The following THSD4 variants were observed in gnomAD, a reference collection of about 807,000 sequenced individuals.
THSD4 encodes the protein thrombospondin type 1 domain containing 4, also known as thrombospondin type-1 domain-containing protein 4.
Under a neutral mutation model 119.0 loss-of-function variants are expected in THSD4, and 69 were observed. The ratio of observed to expected loss-of-function variants is 0.58; its 90% CI spans 0.48 to 0.71. The LOEUF is 0.71. THSD4 is among the 30% of genes least tolerant of loss of function. THSD4 has a pLI of 0.00. For missense variants in THSD4, 1,393 were observed against 1,391.1 expected, an observed-to-expected ratio of 1.00 and a Z score of -0.02; for synonymous variants, 524 against 540.4, an observed-to-expected ratio of 0.97 and a Z score of 0.42.
At chr15:71,453,273 A>G (rs1223844570) in intron 7 of THSD4, among the ~76,000 whole-genome samples, 1 of 152,156 alleles carries the variant, frequency 6.6e-6, no homozygotes. Context: ...CCTCTTCTCT[A>G]CAATGTAGCT....
intron 7 of THSD4, among the ~76,000 whole-genome samples, chr15:71,467,143 C>CT (rs2047512093): frequency 6.6e-6 from 1 of 152,206 alleles, no homozygotes; most frequent in Non-Finnish European, 1.5e-5. Context: ...CTTTGTGTCT[C>CT]TCCCCAAATC....
chr15:71,256,753 T>C (rs1438028445), intron 6 of THSD4, 38 bp downstream of exon 6: 10 of 1,575,240 alleles, frequency 6.3e-6, no homozygotes, highest in Non-Finnish European at 7.8e-6. Context: ...GAAGTTACTT[T>C]AGTCTGTTTT....
At chr15:71,206,137 G>A (rs928922280) in intron 3 of THSD4, among the ~76,000 whole-genome samples, 3 of 152,066 alleles carry the variant, frequency 2.0e-5, no homozygotes, top group Non-Finnish European at 2.9e-5. Context: ...TCAGCCTCCC[G>A]AGTAGCTGGG....
chr15:71,479,827 G>C (rs1202906003), intron 7 of THSD4, among the ~76,000 whole-genome samples: 2 of 152,148 alleles, frequency 1.3e-5, no homozygotes, highest in African/African-American at 4.8e-5. Context: ...ACTTAAAACT[G>C]CTATGAGTTT....
chr15:71,738,326 G>A (rs937594126), intron 11 of THSD4: 2 of 272,482 alleles, frequency 7.3e-6, no homozygotes, highest in African/African-American at 2.2e-5. Context: ...ACCTCCTGCT[G>A]TGCGACCTGG....
In THSD4 at chr15:71,385,334, G is replaced by A. The variant is rs141311119; in HGVS notation, c.1016-26353G>A. 2.0e-5 allele frequency among the ~76,000 whole-genome samples: 3 copies of A among 152,242 alleles called. No individual in the cohort carries two copies. The East Asian group carries it at 5.8e-4, about 29-fold the overall frequency. On this transcript the variant is annotated intron_variant, in intron 6 of 17. Coordinates refer to ENST00000261862, the MANE Select transcript of THSD4 (RefSeq NM_024817.3). ...CACCTGGTTGCCTGGTGTTCCTGGG[G>A]GTCATTGGAGTCTGACTTTGAGTCC...
chr15:71,199,534 GGTGT>G (rs1190781618), intron 3 of THSD4, among the ~76,000 whole-genome samples: 12 of 133,062 alleles, frequency 9.0e-5, no homozygotes, highest in African/African-American at 3.5e-4. Flanking sequence ...TGGGGTGTGT[GGTGT>G]GTGTATGTGT....
At chr15:71,759,847 T>G (rs932488854) in intron 15 of THSD4, among the ~76,000 whole-genome samples, 3 of 152,118 alleles carry the variant, frequency 2.0e-5, no homozygotes, top group African/African-American at 7.2e-5. Context: ...AAAGACAACC[T>G]TTATTTCTGC....
chr15:71,775,415 C>T (rs373731700), intron 17 of THSD4, among the ~76,000 whole-genome samples: 1 of 152,122 alleles, frequency 6.6e-6, no homozygotes, highest in Non-Finnish European at 1.5e-5. Flanking sequence ...AAAAATCTGA[C>T]AACCTGTGTC....
intron 1 of THSD4, among the ~76,000 whole-genome samples, chr15:71,101,416 T>C (rs2040253057): frequency 6.6e-6 from 1 of 152,228 alleles, no homozygotes; most frequent in African/African-American, 2.4e-5. Flanking sequence ...ACTACATACA[T>C]TGAAAATTCC....
Position 71,765,040 on chromosome 15 carries a change from C to G in THSD4, c.2610C>G (p.Ser870Arg), listed in dbSNP as rs772064630. Residue 870 changes from serine to arginine, a missense_variant, in exon 16 of 18, where the codon AGC becomes AGG. Coordinates refer to ENST00000261862, the MANE Select transcript of THSD4 (RefSeq NM_024817.3). ...SWSQCSIECG[S>R]GTQQREVICV... The stretch of plus-strand genomic sequence containing the variant: ...TGCAGTGTTCCATCGAGTGTGGGAG[C>G]GGGACGCAACAGAGGGAGGTGATTT... 6.2e-7 allele frequency: 1 copy of G among 1,613,708 alleles called. No homozygotes were observed. The highest frequency in any genetic ancestry group is 1.3e-5 in the African/African-American group (1 of 74,902).
intron 8 of THSD4, among the ~76,000 whole-genome samples, chr15:71,703,221 T>C (rs1205369691): frequency 6.6e-6 from 1 of 152,204 alleles, no homozygotes; most frequent in African/African-American, 2.4e-5. Context: ...GTGATCTAGC[T>C]GCCTGGGCTT....
At chr15:71,164,818 C>A (rs2043279141) in intron 3 of THSD4, 1 of 1,583,016 alleles carries the variant, frequency 6.3e-7, no homozygotes, top group African/African-American at 1.4e-5. Flanking sequence ...CTTCATCTTC[C>A]TCCTCCTCCT....
intron 3 of THSD4, among the ~76,000 whole-genome samples, chr15:71,174,375 T>C (rs35839165): frequency 1.5e-4 from 22 of 149,296 alleles, no homozygotes; most frequent in African/African-American, 2.8e-4. Context: ...AAAGGGGTGA[T>C]GGACGCACCT....
chr15:71,389,827 T>TTTTTTTTTTTG lies in THSD4; in HGVS notation c.1016-21860_1016-21859insTTTTTTTTTTG, dbSNP rs56316633. Among the ~76,000 whole-genome samples the TTTTTTTTTTTG allele has an allele frequency of 8.2e-4, 117 of 142,956 alleles. 4 individuals are homozygous for TTTTTTTTTTTG. Among genetic ancestry groups the TTTTTTTTTTTG allele is most frequent in the African/African-American group, 3.1e-3 (114 of 37,298 alleles). The allele number at this position is 142,956 out of a possible 152,430, so 93.8% of individuals were successfully genotyped here. On this transcript the variant is annotated intron_variant, in intron 6 of 17. Coordinates refer to ENST00000261862, the MANE Select transcript of THSD4 (RefSeq NM_024817.3). The stretch of plus-strand genomic sequence containing the variant: ...TCTGGGTTGTTTTTTTTTTTTTTTT[T>TTTTTTTTTTTG]GACACAGAGTCTCGCTCTGTCACTC...
At chr15:71,324,775 G>A (rs1259395980) in intron 6 of THSD4, among the ~76,000 whole-genome samples, 1 of 152,174 alleles carries the variant, frequency 6.6e-6, no homozygotes, top group African/African-American at 2.4e-5. Context: ...AAACATACAT[G>A]TGCAGGTGTC....
rs138015790 is a variant in THSD4, at chr15:71,700,922, T to G, written c.1358-27627T>G. ...CAAAAGAAAATATAGAAAAATAAAA[T>G]CTATAAAAATATCCCAGAAAAATAT... On this transcript the variant is annotated intron_variant, in intron 8 of 17. Coordinates refer to ENST00000261862, the MANE Select transcript of THSD4 (RefSeq NM_024817.3). 9.3e-3 allele frequency among the ~76,000 whole-genome samples: 1,418 copies of G among 152,032 alleles called. 16 individuals are homozygous for G. The highest frequency in any genetic ancestry group is 0.015 in the Non-Finnish European group (1,015 of 67,932).
Position 71,286,559 on chromosome 15 carries a change from A to T in THSD4, c.1015+29844A>T, listed in dbSNP as rs116714502. Among the ~76,000 whole-genome samples, 1,232 of 152,290 alleles carry T rather than the reference A, an allele frequency of 8.1e-3. 16 individuals are homozygous for T. Among genetic ancestry groups the T allele is most frequent in the African/African-American group, 0.028 (1,172 of 41,544 alleles). On this transcript the variant is annotated intron_variant, in intron 6 of 17. Coordinates refer to ENST00000261862, the MANE Select transcript of THSD4 (RefSeq NM_024817.3). ...ATTTTCTTTAGTCAGTCTATCCTTGATGGGCATTTGGGTTCCATGGCTTTG... is the reference window on the plus strand; with the variant it reads ...ATTTTCTTTAGTCAGTCTATCCTTGTTGGGCATTTGGGTTCCATGGCTTTG...
chr15:71,167,257 T>C (rs2043302378), intron 3 of THSD4: 1 of 152,232 alleles, frequency 6.6e-6, no homozygotes, highest in African/African-American at 2.4e-5. Flanking sequence ...TAAAGGGTTG[T>C]TGAGAATATT....
Sources: gnomAD v4.1 joint callset for allele counts (sites outside exome capture counted in the v4.1 genomes callset) on GRCh38, gnomAD v4.1.1 for gene constraint, MANE v1.5 for transcripts, NCBI Gene and HGNC (gene_info 2026-07-23, HGNC 2026-07-21) for gene names.